FXYD6: variants seen among roughly 807,000 people sequenced by gnomAD.
FXYD6 encodes the protein FXYD domain containing ion transport regulator 6.
Under a neutral mutation model 16.7 loss-of-function variants are expected in FXYD6, and 7 were observed. The ratio of observed to expected loss-of-function variants is 0.42; its 90% confidence interval spans 0.24 to 0.79. FXYD6 has a LOEUF of 0.79. Among genes scored for constraint, FXYD6 ranks in the 30% least tolerant of loss-of-function variants. The probability of loss-of-function intolerance (pLI) is 0.28; values close to 1 mark genes in which losing one functional copy is unlikely to be tolerated. For synonymous variants in FXYD6, 49 were observed against 43.0 expected (o/e 1.14, Z -0.54); for missense variants, 111 against 116.2 (o/e 0.95, Z 0.21).
chr11:117,842,618 G>T, intron 2 of FXYD6, 101 bp downstream of exon 2: 2 of 1,206,390 alleles, frequency 1.7e-6, no homozygotes, highest in Admixed American at 2.2e-5. Context: ...GAACGTGAGA[G>T]TCCCCCAGCC....
At chr11:117,843,934 C>T (rs2056415440) in intron 1 of FXYD6, 2 of 152,256 alleles carry the variant, frequency 1.3e-5, no homozygotes, top group Admixed American at 1.3e-4. Context: ...ACACATCTCA[C>T]TCCTGGGCTT....
chr11:117,860,890 C>T (rs569068749), intron 1 of FXYD6, among the ~76,000 whole-genome samples: 8 of 152,328 alleles, frequency 5.3e-5, no homozygotes, highest in Middle Eastern at 3.4e-3. Flanking sequence ...TTTACACAGA[C>T]GGGCAGACTG....
At chr11:117,869,610 T>C (rs935323170) in intron 1 of FXYD6, among the ~76,000 whole-genome samples, 2 of 152,128 alleles carry the variant, frequency 1.3e-5, no homozygotes, top group African/African-American at 4.8e-5. Context: ...TGGAGGCACC[T>C]TTATCTTTAA....
intron 1 of FXYD6, among the ~76,000 whole-genome samples, chr11:117,871,049 C>T (rs2057124253): frequency 6.6e-6 from 1 of 152,152 alleles, no homozygotes; most frequent in South Asian, 2.1e-4. Context: ...TTCTCGGTAT[C>T]CTCCTTCCTC....
chr11:117,842,634 G>T, intron 2 of FXYD6, 85 bp downstream of exon 2: 1 of 1,393,380 alleles, frequency 7.2e-7, no homozygotes, highest in Non-Finnish European at 9.9e-7. Flanking sequence ...CAGCCCTAAT[G>T]TCCCAAGGGG....
intron 1 of FXYD6, among the ~76,000 whole-genome samples, chr11:117,862,177 T>C (rs532344671): frequency 2.5e-3 from 382 of 152,204 alleles, no homozygotes; most frequent in Non-Finnish European, 3.8e-3. Flanking sequence ...AGGGGCCAAG[T>C]CCCCGCAGAA....
chr11:117,857,609 A>G (rs755096035), intron 1 of FXYD6, among the ~76,000 whole-genome samples: 1 of 151,942 alleles, frequency 6.6e-6, no homozygotes, highest in Non-Finnish European at 1.5e-5. Context: ...GAGTTTCACC[A>G]TGTTGGCCAA....
At position 117,872,672 on chromosome 11, in the gene FXYD6, C is replaced by A. The variant is rs1712360981; in HGVS notation, c.-6+3920G>T. Among the ~76,000 whole-genome samples, 2 of 152,328 alleles carry A rather than the reference C, an allele frequency of 1.3e-5. No individual in the cohort carries two copies. Among genetic ancestry groups the A allele is most frequent in the African/African-American group, 4.8e-5 (2 of 41,584 alleles). ...GGCAGCCCCATTCCCATGGCCCCAGCCTGGTCCGTGGGGGCCCAGCCCCTT... is the reference window on the plus strand; with the variant it reads ...GGCAGCCCCATTCCCATGGCCCCAGACTGGTCCGTGGGGGCCCAGCCCCTT... On this transcript the variant is annotated intron_variant, in intron 1 of 7. Transcript: ENST00000526014. The surrounding 1 kb of genome is among the most constrained non-coding windows in gnomAD (Gnocchi z 4.9).
chr11:117,848,965 T>C (rs1194273746), intron 1 of FXYD6, among the ~76,000 whole-genome samples: 3 of 152,194 alleles, frequency 2.0e-5, no homozygotes, highest in African/African-American at 7.2e-5. Context: ...AAAATTTTCT[T>C]AATTCTGCCC....
intron 1 of FXYD6, among the ~76,000 whole-genome samples, chr11:117,857,258 G>C (rs1385701439): frequency 6.6e-6 from 1 of 152,212 alleles, no homozygotes; most frequent in East Asian, 1.9e-4. Flanking sequence ...TACGTGATGA[G>C]AACAGGTCTT....
chr11:117,865,799 C>T (rs1186501438), intron 1 of FXYD6, among the ~76,000 whole-genome samples: 11 of 152,064 alleles, frequency 7.2e-5, no homozygotes, highest in East Asian at 3.8e-4. Context: ...TGGTGGTGCG[C>T]GCCTGTAGTT....
intron 1 of FXYD6, among the ~76,000 whole-genome samples, chr11:117,854,346 G>C (rs978430379): frequency 2.0e-5 from 3 of 152,198 alleles, no homozygotes; most frequent in Non-Finnish European, 4.4e-5. Flanking sequence ...CCTGCCCCCT[G>C]GGAATAGGGA....
At chr11:117,838,377 G>C in intron 7 of FXYD6, 100 bp from the exon 8 acceptor site, 2 of 694,690 alleles carry the variant, frequency 2.9e-6, no homozygotes, top group Non-Finnish European at 5.3e-6. Flanking sequence ...TGAAATTCCC[G>C]GTATGACAGC....
intron 1 of FXYD6, among the ~76,000 whole-genome samples, chr11:117,851,871 A>G (rs2056617180): frequency 6.6e-6 from 1 of 152,230 alleles, no homozygotes; most frequent in Non-Finnish European, 1.5e-5. Flanking sequence ...GAGCTGCAAC[A>G]CACTTTTAAC....
intron 1 of FXYD6, among the ~76,000 whole-genome samples, chr11:117,865,855 T>A (rs1377093030): frequency 1.3e-5 from 2 of 151,700 alleles, no homozygotes; most frequent in African/African-American, 4.9e-5. Context: ...TGAACCCGGG[T>A]GGTGGAGGTT....
At chr11:117,841,716 G>A in intron 4 of FXYD6, 75 bp downstream of exon 4, 1 of 1,560,716 alleles carries the variant, frequency 6.4e-7, no homozygotes. Flanking sequence ...GACCAACCAG[G>A]CTCTCACACT....
At chr11:117,849,186 C>A (rs1350013175) in intron 1 of FXYD6, among the ~76,000 whole-genome samples, 2 of 152,184 alleles carry the variant, frequency 1.3e-5, no homozygotes, top group East Asian at 3.8e-4. Flanking sequence ...GGTGAAAGTA[C>A]TCCATCATAG....
chr11:117,844,488 T>TTA (rs1555043858), intron 1 of FXYD6, among the ~76,000 whole-genome samples: 1 of 151,914 alleles, frequency 6.6e-6, no homozygotes, highest in Non-Finnish European at 1.5e-5. Flanking sequence ...ATATTTTTAT[T>TTA]TTTATTTATT....
At chr11:117,875,295 G>A (rs2057232637) in intron 1 of FXYD6, among the ~76,000 whole-genome samples, 2 of 151,996 alleles carry the variant, frequency 1.3e-5, no homozygotes, top group African/African-American at 4.8e-5. Context: ...ATGTGTTTGT[G>A]GTGTTGGTGA....
Sources: gnomAD v4.1 joint callset for allele counts (sites outside exome capture counted in the v4.1 genomes callset) on GRCh38, gnomAD v4.1.1 for gene constraint, Gnocchi (gnomAD v3.1) non-coding constraint, MANE v1.5 for transcripts, NCBI Gene and HGNC (gene_info 2026-07-23, HGNC 2026-07-21) for gene names.